PDE1C: variants seen among roughly 807,000 people sequenced by gnomAD.
The protein encoded by PDE1C is phosphodiesterase 1C.
Under a neutral mutation model 93.1 loss-of-function variants are expected in PDE1C, and 62 were observed. That is an observed-to-expected ratio of 0.67 (90% CI 0.54 to 0.82). The LOEUF is 0.82. PDE1C is among the 40% of genes least tolerant of loss of function. The pLI, the probability that PDE1C is intolerant of heterozygous loss-of-function variation, is 0.00. For missense variants in PDE1C, 742 were observed against 884.6 expected, an observed-to-expected ratio of 0.84 and a Z score of 2.04; for synonymous variants, 325 against 310.1, an observed-to-expected ratio of 1.05 and a Z score of -0.50.
Position 32,016,227 on chromosome 7 carries a change from A to G in PDE1C, c.128+35327T>C, listed in dbSNP as rs147754392. Among the ~76,000 whole-genome samples the G allele has an allele frequency of 2.6e-3, 391 of 152,352 alleles. 1 individual carries two copies. Among genetic ancestry groups the G allele is most frequent in the African/African-American group, 9.2e-3 (381 of 41,584 alleles). On this transcript the variant is annotated intron_variant, in intron 2 of 17. Coordinates refer to ENST00000396191, the MANE Select transcript of PDE1C (RefSeq NM_001191057.4). Reference sequence around the variant, plus strand: ...ACACTGCTGGACCTATAACACTGCCAGACCTATAACACTGCCGCTTTAATA... The same window carrying G: ...ACACTGCTGGACCTATAACACTGCCGGACCTATAACACTGCCGCTTTAATA...
At chr7:31,804,279 AAT>A (rs1271454668) in intron 16 of PDE1C, among the ~76,000 whole-genome samples, 1 of 151,904 alleles carries the variant, frequency 6.6e-6, no homozygotes, top group African/African-American at 2.4e-5. Flanking sequence ...AAGCAAGACA[AAT>A]ATGAGTCTTT....
chr7:32,064,133 C>T (rs1795114628), intron 1 of PDE1C, among the ~76,000 whole-genome samples: 1 of 152,152 alleles, frequency 6.6e-6, no homozygotes, highest in Non-Finnish European at 1.5e-5. Flanking sequence ...AGATTCAGGT[C>T]AATGCCCTCT....
the PDE1C span, among the ~76,000 whole-genome samples, chr7:31,682,846 A>C: frequency 0.024 from 3,667 of 152,312 alleles, 75 homozygotes; most frequent in South Asian, 0.064. Flanking sequence ...TCTCCACAGA[A>C]TTATGCTAAG....
At chr7:32,171,437 CT>C (rs950604363) in intron 2 of PDE1C, among the ~76,000 whole-genome samples, 45 of 150,784 alleles carry the variant, frequency 3.0e-4, no homozygotes, top group African/African-American at 8.7e-4. Flanking sequence ...CATGCACAGA[CT>C]TTTTTTGTCA....
chr7:32,281,740 A>G (rs1267894681), intron 1 of PDE1C, among the ~76,000 whole-genome samples: 6 of 152,222 alleles, frequency 3.9e-5, no homozygotes, highest in Non-Finnish European at 8.8e-5. Flanking sequence ...TTGTTGCGGC[A>G]CTATTCACAA....
At chr7:32,258,285 G>A (rs79642107) in intron 1 of PDE1C, among the ~76,000 whole-genome samples, 3,340 of 152,210 alleles carry the variant, frequency 0.022, 126 homozygotes, top group African/African-American at 0.075. Context: ...CCTACTTCTC[G>A]GAATTAACTT....
chr7:32,260,916 T>A (rs976041521), intron 1 of PDE1C, among the ~76,000 whole-genome samples: 4 of 151,116 alleles, frequency 2.6e-5, no homozygotes, highest in Non-Finnish European at 4.4e-5. Flanking sequence ...AGGTCAGGAG[T>A]TCAAGACAAC....
chr7:31,835,780 T>C (rs887181102), intron 11 of PDE1C, among the ~76,000 whole-genome samples: 1 of 152,070 alleles, frequency 6.6e-6, no homozygotes, highest in Non-Finnish European at 1.5e-5. Context: ...TGGCATTTGT[T>C]TAATGTGCTG....
intron 16 of PDE1C, among the ~76,000 whole-genome samples, chr7:31,796,202 A>T (rs370173359): frequency 6.7e-6 from 1 of 150,364 alleles, no homozygotes; most frequent in South Asian, 2.1e-4. Flanking sequence ...GATATATATT[A>T]ATATATCTTA....
Position 32,035,737 on chromosome 7 carries a change from C to T in PDE1C, c.128+15817G>A, listed in dbSNP as rs142187453. Among the ~76,000 whole-genome samples the T allele has an allele frequency of 7.2e-4, 109 of 152,238 alleles. 1 individual carries two copies. Among genetic ancestry groups the T allele is most frequent in the Non-Finnish European group, 1.9e-4 (13 of 68,016 alleles). On this transcript the variant is annotated intron_variant, in intron 2 of 17. Coordinates refer to ENST00000396191, the MANE Select transcript of PDE1C (RefSeq NM_001191057.4). ...TCTATGCATCTGAGAGTTTTCATCT[C>T]AAGAGACCCAGGAGCTCGAAATCCT...
the PDE1C span, among the ~76,000 whole-genome samples, chr7:31,711,207 T>C: frequency 6.6e-6 from 1 of 152,226 alleles, no homozygotes; most frequent in Admixed American, 6.5e-5. Flanking sequence ...CAGATCCTCG[T>C]GTTCTTATAA....
At chr7:31,920,903 C>T (rs778555394) in intron 2 of PDE1C, among the ~76,000 whole-genome samples, 2 of 152,210 alleles carry the variant, frequency 1.3e-5, no homozygotes, top group Non-Finnish European at 2.9e-5. Context: ...CAGTTTAACC[C>T]TTCTAATATG....
chr7:32,273,185 T>C (rs745411212), intron 1 of PDE1C, among the ~76,000 whole-genome samples: 1 of 152,152 alleles, frequency 6.6e-6, no homozygotes, highest in Non-Finnish European at 1.5e-5. Flanking sequence ...GAAGAGTAGT[T>C]ACAATCTTCA....
At chr7:32,117,807 T>C (rs1455430830) in intron 3 of PDE1C, among the ~76,000 whole-genome samples, 1 of 152,210 alleles carries the variant, frequency 6.6e-6, no homozygotes, top group Non-Finnish European at 1.5e-5. Flanking sequence ...GAGTGAGTTA[T>C]TGATAAATTA....
intron 2 of PDE1C, among the ~76,000 whole-genome samples, chr7:32,042,802 C>A (rs756277026): frequency 2.0e-5 from 3 of 152,102 alleles, no homozygotes; most frequent in Non-Finnish European, 1.5e-5. Context: ...GCAGAGAGTG[C>A]CCACCATCAC....
At chr7:31,664,425 T>A in the PDE1C span, among the ~76,000 whole-genome samples, 1 of 152,156 alleles carries the variant, frequency 6.6e-6, no homozygotes, top group African/African-American at 2.4e-5. Context: ...CCATGGCCAT[T>A]TTCAAGGAGA....
intron 3 of PDE1C, among the ~76,000 whole-genome samples, chr7:32,121,587 C>G (rs1166224614): frequency 6.6e-6 from 1 of 152,172 alleles, no homozygotes; most frequent in Admixed American, 6.5e-5. Flanking sequence ...TTTCAACATT[C>G]TTAAAAGAAG....
rs58376421 is a variant in PDE1C, at chr7:32,225,022, T to TAAAAA, written c.86-15488_86-15484dup. On this transcript the variant is annotated intron_variant, in intron 1 of 18. Transcript: ENST00000396193. ...ACCTTCAGGAATCACCTTTCTTATTTAAAAAAAAAAAAAAGACTATTAAAA... is the reference window on the plus strand; with the variant it reads ...ACCTTCAGGAATCACCTTTCTTATTTAAAAAAAAAAAAAAAAAAAGACTATTAAAA... Among the ~76,000 whole-genome samples the TAAAAA allele has an allele frequency of 3.9e-3, 391 of 100,824 alleles. 2 individuals are homozygous for TAAAAA. Among genetic ancestry groups the TAAAAA allele is most frequent in the East Asian group, 0.012 (40 of 3,300 alleles). 66.1% of individuals were successfully genotyped at this position (100,824 alleles called of 152,430 possible).
intron 2 of PDE1C, among the ~76,000 whole-genome samples, chr7:32,189,583 A>G (rs1206970204): frequency 1.3e-5 from 2 of 152,174 alleles, no homozygotes; most frequent in African/African-American, 4.8e-5. Flanking sequence ...TAACCTCATT[A>G]TAAAAATTTG....
Sources: allele counts gnomAD v4.1 joint callset (sites outside exome capture counted in the v4.1 genomes callset), GRCh38; gene constraint gnomAD v4.1.1; transcripts MANE v1.5; gene names NCBI Gene and HGNC (gene_info 2026-07-23, HGNC 2026-07-21).